The following ICA1 variants were observed in gnomAD, a reference collection of about 807,000 sequenced individuals.
ICA1 encodes 69 kDa islet cell autoantigen.
ICA1 carries 40 observed loss-of-function variants against 71.0 expected under a neutral mutation model. That is an observed-to-expected ratio of 0.56 (90% confidence interval 0.44 to 0.73). The LOEUF (loss-of-function observed/expected upper bound fraction) is 0.73, where lower values mean the gene tolerates loss of function less well. Among genes scored for constraint, ICA1 ranks in the 30% least tolerant of loss-of-function variants. The pLI is 0.00. For synonymous variants in ICA1, 207 were observed against 209.5 expected (o/e 0.99, Z 0.10); for missense variants, 578 against 576.5 (o/e 1.00, Z -0.03).
chr7:8,177,891 A>G (rs928460717), intron 6 of ICA1, among the ~76,000 whole-genome samples: 4 of 152,300 alleles, frequency 2.6e-5, no homozygotes, highest in Admixed American at 6.5e-5. Context: ...ACTGAATACC[A>G]AAGTGTGGTT....
At chr7:8,213,761 A>T (rs189007292) in intron 6 of ICA1, among the ~76,000 whole-genome samples, 3 of 152,324 alleles carry the variant, frequency 2.0e-5, no homozygotes, top group South Asian at 4.1e-4. Context: ...CTTCACAATC[A>T]GGACACCGGA....
At chr7:8,202,495 G>A (rs1439750997) in intron 6 of ICA1, among the ~76,000 whole-genome samples, 2 of 152,162 alleles carry the variant, frequency 1.3e-5, no homozygotes, top group South Asian at 2.1e-4. Context: ...CAATGTCAAA[G>A]TTTCTTTTAT....
intron 1 of ICA1, among the ~76,000 whole-genome samples, chr7:8,254,127 C>A (rs2128540584): frequency 6.6e-6 from 1 of 152,248 alleles, no homozygotes; most frequent in African/African-American, 2.4e-5. Context: ...ACTGAAGGAA[C>A]TGAGGGAAAT....
At chr7:8,142,002 A>T (rs1015769697) in intron 9 of ICA1, 185 bp from the exon 10 acceptor site, 2 of 1,494,916 alleles carry the variant, frequency 1.3e-6, no homozygotes, top group African/African-American at 1.4e-5. Flanking sequence ...CCCTTTCTGT[A>T]GCATCTTAAT....
intron 1 of ICA1, among the ~76,000 whole-genome samples, chr7:8,254,161 GAGTAAAATTTGTCTCATT>G (rs1809201780): frequency 6.6e-6 from 1 of 152,148 alleles, no homozygotes; most frequent in African/African-American, 2.4e-5. Context: ...CCAAGTCACA[GAGTAAAATTTGTCTCATT>G]AGTCTTAAAT....
chr7:8,154,375 G>A (rs1488974854), intron 8 of ICA1, among the ~76,000 whole-genome samples: 4 of 152,168 alleles, frequency 2.6e-5, no homozygotes, highest in Admixed American at 2.0e-4. Context: ...AGGATGCACC[G>A]AGTGTTTAAC....
intron 8 of ICA1, chr7:8,156,814 C>G: frequency 6.8e-7 from 1 of 1,474,576 alleles, no homozygotes; most frequent in Non-Finnish European, 8.9e-7. Context: ...CAGGACCAAT[C>G]ATTAGACTCA....
chr7:8,193,625 T>A (rs965696169), intron 6 of ICA1, among the ~76,000 whole-genome samples: 2 of 152,248 alleles, frequency 1.3e-5, no homozygotes, highest in Non-Finnish European at 2.9e-5. Flanking sequence ...AAAAGCATTC[T>A]ATCCTTCAAA....
chr7:8,156,854 T>C (rs1185431125), intron 8 of ICA1: 4 of 1,502,742 alleles, frequency 2.7e-6, no homozygotes, highest in African/African-American at 2.8e-5. Context: ...CCCAGGAACA[T>C]GTATCTCAAG....
At chr7:8,121,992 A>G (rs1787152449) in intron 13 of ICA1, among the ~76,000 whole-genome samples, 1 of 152,204 alleles carries the variant, frequency 6.6e-6, no homozygotes, top group Admixed American at 6.5e-5. Context: ...TGGGGAGCAG[A>G]AACACCCTGA....
chr7:8,206,504 T>A (rs999028923), intron 6 of ICA1, among the ~76,000 whole-genome samples: 3 of 152,162 alleles, frequency 2.0e-5, no homozygotes, highest in African/African-American at 7.2e-5. Flanking sequence ...ATTCTCCCTT[T>A]TCTTCTGTTC....
intron 2 of ICA1, among the ~76,000 whole-genome samples, chr7:8,233,137 C>G (rs1800778548): frequency 6.6e-6 from 1 of 151,986 alleles, no homozygotes; most frequent in African/African-American, 2.4e-5. Context: ...CACACTCTCT[C>G]CACTCTAACA....
chr7:8,229,245 C>T (rs908208483), intron 3 of ICA1, among the ~76,000 whole-genome samples: 1 of 152,208 alleles, frequency 6.6e-6, no homozygotes, highest in East Asian at 1.9e-4. Flanking sequence ...CCCATCACTC[C>T]TTATTTTCCC....
chr7:8,210,956 C>A (rs2348904), intron 6 of ICA1, among the ~76,000 whole-genome samples: 93,559 of 151,464 alleles, frequency 0.62, 29,030 homozygotes, highest in South Asian at 0.76. Context: ...CCTGGGTTGG[C>A]GGGACTCCTG....
At chr7:8,171,231 C>T (rs1003703139) in intron 6 of ICA1, among the ~76,000 whole-genome samples, 9 of 151,702 alleles carry the variant, frequency 5.9e-5, no homozygotes, top group Non-Finnish European at 8.9e-5. Flanking sequence ...TTATTTCTTC[C>T]GTATATGTTT....
chr7:8,254,789 T>C (rs968995744), intron 1 of ICA1, among the ~76,000 whole-genome samples: 2 of 151,956 alleles, frequency 1.3e-5, no homozygotes, highest in African/African-American at 2.4e-5. Flanking sequence ...CACAACACAA[T>C]GTTTACATAC....
At chr7:8,191,843 G>T (rs189518488) in intron 6 of ICA1, among the ~76,000 whole-genome samples, 2 of 151,822 alleles carry the variant, frequency 1.3e-5, no homozygotes, top group African/African-American at 4.8e-5. Flanking sequence ...ATAAAGAAAC[G>T]TATTAAAATT....
chr7:8,195,270 C>T (rs1041918633), intron 6 of ICA1, among the ~76,000 whole-genome samples: 13 of 152,210 alleles, frequency 8.5e-5, no homozygotes, highest in South Asian at 2.1e-4. Context: ...CGGTGGCCCA[C>T]GCCTGCAATC....
intron 10 of ICA1, among the ~76,000 whole-genome samples, chr7:8,141,146 G>A (rs1795095279): frequency 6.6e-6 from 1 of 152,196 alleles, no homozygotes. Context: ...TGAGGTGAAG[G>A]ACCAATGAAA....
Sources: allele counts gnomAD v4.1 joint callset (sites outside exome capture counted in the v4.1 genomes callset), GRCh38; gene constraint gnomAD v4.1.1; transcripts MANE v1.5; gene names NCBI Gene and HGNC (gene_info 2026-07-23, HGNC 2026-07-21).